SGCZ: variants seen among roughly 807,000 people sequenced by gnomAD.
SGCZ encodes the protein zeta-sarcoglycan.
Under a neutral mutation model 41.3 loss-of-function variants are expected in SGCZ, and 40 were observed. That is an observed-to-expected ratio of 0.97 (90% CI 0.75 to 1.26). The LOEUF is 1.26. SGCZ is among the 50% of genes most tolerant of loss of function. The pLI is 0.00. For synonymous variants in SGCZ, 206 were observed against 137.5 expected, an observed-to-expected ratio of 1.50 and a Z score of -3.49; for missense variants, 552 against 369.8, an observed-to-expected ratio of 1.49 and a Z score of -4.04.
chr8:14,661,677 G>C (rs1039314744), intron 1 of SGCZ, among the ~76,000 whole-genome samples: 2 of 152,056 alleles, frequency 1.3e-5, no homozygotes, highest in Non-Finnish European at 2.9e-5. Context: ...CACAACCCAG[G>C]TATTTCACAT....
chr8:14,455,574 T>C (rs1372973070), intron 2 of SGCZ, among the ~76,000 whole-genome samples: 2 of 152,144 alleles, frequency 1.3e-5, no homozygotes, highest in Admixed American at 1.3e-4. Flanking sequence ...TCTCCATTCT[T>C]GCTTTCTGAC....
intron 1 of SGCZ, among the ~76,000 whole-genome samples, chr8:15,029,026 C>G (rs2130955234): frequency 6.6e-6 from 1 of 152,160 alleles, no homozygotes; most frequent in South Asian, 2.1e-4. Flanking sequence ...AAATAACTAC[C>G]TGTTACAACA....
chr8:14,278,926 T>C (rs1563230545), intron 3 of SGCZ, among the ~76,000 whole-genome samples: 1 of 152,280 alleles, frequency 6.6e-6, no homozygotes, highest in South Asian at 2.1e-4. Context: ...TGGGAATTGC[T>C]TTTATAAATG....
chr8:15,066,024 T>C (rs1019308282), intron 1 of SGCZ, among the ~76,000 whole-genome samples: 10 of 152,208 alleles, frequency 6.6e-5, no homozygotes, highest in Non-Finnish European at 1.3e-4. Context: ...GAAGTCCACC[T>C]TGGGCCGGGC....
chr8:14,528,354 G>A (rs1241154133), intron 2 of SGCZ, among the ~76,000 whole-genome samples: 1 of 152,068 alleles, frequency 6.6e-6, no homozygotes, highest in East Asian at 1.9e-4. Flanking sequence ...TTCAGTAACT[G>A]TGTCATGTCA....
chr8:14,404,938 G>A (rs1447179622), intron 2 of SGCZ, among the ~76,000 whole-genome samples: 6 of 152,130 alleles, frequency 3.9e-5, no homozygotes, highest in Non-Finnish European at 7.4e-5. Context: ...GGCTATTGCC[G>A]GCAGTGGCTT....
intron 2 of SGCZ, among the ~76,000 whole-genome samples, chr8:14,473,391 C>T (rs1563352451): frequency 6.6e-6 from 1 of 152,132 alleles, no homozygotes; most frequent in Non-Finnish European, 1.5e-5. Context: ...TCACATTATA[C>T]ATATGAAATA....
chr8:14,827,268 A>T lies in SGCZ; in HGVS notation c.40-272342T>A, dbSNP rs556407112. Among the ~76,000 whole-genome samples the T allele has an allele frequency of 2.5e-4, 33 of 132,398 alleles. 1 individual carries two copies. The highest frequency in any genetic ancestry group is 7.8e-4 in the African/African-American group (27 of 34,726). 86.9% of individuals were successfully genotyped at this position (132,398 alleles called of 152,430 possible). The stretch of plus-strand genomic sequence containing the variant: ...TTTTTTTTTTTTGAGACAAAGTCTC[A>T]CTCTGTCACCCAGGCTGGAGGGCAG... On this transcript the variant is annotated intron_variant, in intron 1 of 7. Coordinates refer to ENST00000382080, the MANE Select transcript of SGCZ (RefSeq NM_139167.4).
At chr8:14,419,668 A>G (rs2117301654) in intron 2 of SGCZ, among the ~76,000 whole-genome samples, 1 of 152,104 alleles carries the variant, frequency 6.6e-6, no homozygotes, top group African/African-American at 2.4e-5. Flanking sequence ...CAAACTCCCA[A>G]TCATTCATTT....
At chr8:15,200,394 G>A (rs937246863) in intron 1 of SGCZ, among the ~76,000 whole-genome samples, 20 of 152,168 alleles carry the variant, frequency 1.3e-4, no homozygotes, top group Non-Finnish European at 2.8e-4. Context: ...GGTACCTCCT[G>A]TAAGGTATCA....
chr8:14,502,778 A>G lies in SGCZ; in HGVS notation c.234+51954T>C, dbSNP rs1364486591. On this transcript the variant is annotated intron_variant, in intron 2 of 7. Transcript: ENST00000382080. ...CCATGTCACGCCAGTTAGAACGGCA[A>G]TCATTAAAAAGTCAAGAAAGAACAG... is the stretch of plus-strand genomic sequence containing the variant. Among the ~76,000 whole-genome samples the G allele has an allele frequency of 2.0e-5, 3 of 152,222 alleles. No individual in the cohort carries two copies. In the East Asian group the frequency reaches 5.8e-4, roughly 29 times the overall value.
In SGCZ at chr8:14,324,453, T is replaced by G. The variant is rs181651371; in HGVS notation, c.235-249A>C. On this transcript the variant is annotated intron_variant, in intron 2 of 7. Coordinates refer to ENST00000382080, the MANE Select transcript of SGCZ (RefSeq NM_139167.4). ...CTTCGAGCTCTACCAGGGACTAGGA[T>G]TTGCCCACGAATAAATCCTTTACTT... Among the ~76,000 whole-genome samples the G allele has an allele frequency of 3.9e-5, 6 of 152,230 alleles. No individual in the cohort carries two copies. In the East Asian group the frequency reaches 1.2e-3, roughly 29 times the overall value.
At chr8:14,192,451 G>C (rs771367651) in intron 4 of SGCZ, among the ~76,000 whole-genome samples, 7 of 151,688 alleles carry the variant, frequency 4.6e-5, no homozygotes, top group Non-Finnish European at 1.0e-4. Flanking sequence ...ATTTGGAAAA[G>C]CAATATCCCA....
rs868583423 is a variant in SGCZ, at chr8:15,120,706, G to C, written c.39+116879C>G. Among the ~76,000 whole-genome samples the C allele has an allele frequency of 5.9e-5, 9 of 151,926 alleles. No homozygotes were observed. The South Asian group carries it at 8.3e-4, about 14-fold the overall frequency. Reference sequence around the variant, plus strand: ...TGCTCAGCCCATCGCCCCTGCTTTTGGTCTACTTCACAAAGCTATTATCTC... The same window carrying C: ...TGCTCAGCCCATCGCCCCTGCTTTTCGTCTACTTCACAAAGCTATTATCTC... On this transcript the variant is annotated intron_variant, in intron 1 of 7. Coordinates refer to ENST00000382080, the MANE Select transcript of SGCZ (RefSeq NM_139167.4).
chr8:14,369,798 A>G lies in SGCZ; in HGVS notation c.235-45594T>C, dbSNP rs143817759. Reference sequence around the variant, plus strand: ...CCTCTCTTACTGCTTAAATTGCCCAATTAATTAAATATTAAGTAATTACAT... The same window carrying G: ...CCTCTCTTACTGCTTAAATTGCCCAGTTAATTAAATATTAAGTAATTACAT... On this transcript the variant is annotated intron_variant, in intron 2 of 7. Coordinates refer to ENST00000382080, the MANE Select transcript of SGCZ (RefSeq NM_139167.4). Among the ~76,000 whole-genome samples, 1,370 of 152,080 alleles carry G rather than the reference A, an allele frequency of 9.0e-3. 13 individuals are homozygous for G. Among genetic ancestry groups the G allele is most frequent in the African/African-American group, 0.019 (803 of 41,524 alleles).
At chr8:14,884,764 G>A (rs1179647877) in intron 1 of SGCZ, among the ~76,000 whole-genome samples, 1 of 151,968 alleles carries the variant, frequency 6.6e-6, no homozygotes, top group Non-Finnish European at 1.5e-5. Context: ...TATATTTTAT[G>A]TTACAAATTA....
chr8:14,400,901 T>G (rs1799052927), intron 2 of SGCZ, among the ~76,000 whole-genome samples: 1 of 152,180 alleles, frequency 6.6e-6, no homozygotes, highest in Admixed American at 6.6e-5. Context: ...TTTATGTAAC[T>G]GAATAAGTGT....
At chr8:15,081,835 A>G (rs1353082469) in intron 1 of SGCZ, among the ~76,000 whole-genome samples, 3 of 152,220 alleles carry the variant, frequency 2.0e-5, no homozygotes, top group Admixed American at 1.3e-4. Flanking sequence ...ACAGAGATAC[A>G]AAGGAACAGA....
chr8:15,101,790 C>T (rs574398639), intron 1 of SGCZ, among the ~76,000 whole-genome samples: 1 of 152,138 alleles, frequency 6.6e-6, no homozygotes, highest in Admixed American at 6.5e-5. Flanking sequence ...ATTAGCTGGG[C>T]ATGGTCGTGC....
Sources: gnomAD v4.1 joint callset for allele counts (sites outside exome capture counted in the v4.1 genomes callset) on GRCh38, gnomAD v4.1.1 for gene constraint, MANE v1.5 for transcripts, NCBI Gene and HGNC (gene_info 2026-07-23, HGNC 2026-07-21) for gene names.